The following ST8SIA4 variants were observed in gnomAD, a reference collection of about 807,000 sequenced individuals.
ST8SIA4 encodes the protein CMP-N-acetylneuraminate-poly-alpha-2,8-sialyltransferase.
Under a neutral mutation model 33.9 loss-of-function variants are expected in ST8SIA4, and 15 were observed. The observed-to-expected ratio is 0.44, with a 90% confidence interval of 0.30 to 0.68. ST8SIA4 has a LOEUF of 0.68. Ranked by LOEUF, ST8SIA4 falls within the 30% of genes least tolerant of loss-of-function variation. The pLI is 0.10. For synonymous variants in ST8SIA4, 171 were observed against 151.2 expected (o/e 1.13, Z -0.96); for missense variants, 321 against 428.0 (o/e 0.75, Z 2.21).
At chr5:100,872,829 C>A (rs1032897051) in intron 3 of ST8SIA4, among the ~76,000 whole-genome samples, 8 of 149,818 alleles carry the variant, frequency 5.3e-5, no homozygotes, top group Non-Finnish European at 1.0e-4. Flanking sequence ...ACCTATTGAC[C>A]AACCTCAGTG....
chr5:100,872,295 C>A (rs1328664693), intron 3 of ST8SIA4, among the ~76,000 whole-genome samples: 1 of 151,902 alleles, frequency 6.6e-6, no homozygotes, highest in Non-Finnish European at 1.5e-5. Context: ...AAGGTAATTA[C>A]CATATTCATC....
At chr5:100,884,800 C>A (rs1236044064) in intron 3 of ST8SIA4, among the ~76,000 whole-genome samples, 4 of 152,186 alleles carry the variant, frequency 2.6e-5, no homozygotes, top group Admixed American at 6.5e-5. Flanking sequence ...AGGCCTCTCT[C>A]ATTACCCACA....
intron 4 of ST8SIA4, among the ~76,000 whole-genome samples, chr5:100,840,117 A>G (rs1452239803): frequency 6.6e-6 from 1 of 151,806 alleles, no homozygotes; most frequent in Non-Finnish European, 1.5e-5. Context: ...TATCAGTGAG[A>G]CACAGCAACA....
chr5:100,855,147 ACCCTCTAAT>A (rs1751787258), intron 4 of ST8SIA4, among the ~76,000 whole-genome samples: 1 of 151,980 alleles, frequency 6.6e-6, no homozygotes, highest in African/African-American at 2.4e-5. Flanking sequence ...TTGACCTGGT[ACCCTCTAAT>A]AATGCAACAG....
At chr5:100,878,071 G>A (rs747766371) in intron 3 of ST8SIA4, among the ~76,000 whole-genome samples, 3 of 152,056 alleles carry the variant, frequency 2.0e-5, no homozygotes, top group Non-Finnish European at 2.9e-5. Flanking sequence ...CTCATTTTTC[G>A]GCTTGATGGT....
chr5:100,819,104 A>C (rs1040743045), intron 4 of ST8SIA4, among the ~76,000 whole-genome samples: 1 of 152,198 alleles, frequency 6.6e-6, no homozygotes, highest in Non-Finnish European at 1.5e-5. Flanking sequence ...TGATCCTCAT[A>C]AAATATTATA....
chr5:100,851,768 C>T (rs1751703715), intron 4 of ST8SIA4, among the ~76,000 whole-genome samples: 1 of 151,520 alleles, frequency 6.6e-6, no homozygotes, highest in Non-Finnish European at 1.5e-5. Context: ...TTGTTTTTTT[C>T]CCATATTAAA....
intron 4 of ST8SIA4, among the ~76,000 whole-genome samples, chr5:100,842,696 G>A (rs1423381): frequency 0.9 from 137,322 of 151,742 alleles, 62,818 homozygotes; most frequent in Middle Eastern, 0.98. Context: ...ACTGAATTCT[G>A]TTGAGAGGAA....
Position 100,834,610 on chromosome 5 carries a change from C to T in ST8SIA4, c.797+21493G>A, listed in dbSNP as rs144703125. 3.7e-3 allele frequency among the ~76,000 whole-genome samples: 556 copies of T among 152,160 alleles called. 2 individuals are homozygous for T. The highest frequency in any genetic ancestry group is 0.013 in the African/African-American group (531 of 41,502). ...CCTGGGAAATACCATGTTGAGATGT[C>T]AGCCTCAACATTGGATGTGGGGCCT... is the stretch of plus-strand genomic sequence containing the variant. On this transcript the variant is annotated intron_variant, in intron 4 of 4. Coordinates refer to ENST00000231461, the MANE Select transcript of ST8SIA4 (RefSeq NM_005668.6).
At chr5:100,854,937 G>A (rs1308330670) in intron 4 of ST8SIA4, among the ~76,000 whole-genome samples, 1 of 152,000 alleles carries the variant, frequency 6.6e-6, no homozygotes, top group Non-Finnish European at 1.5e-5. Flanking sequence ...TTGTGCCTCT[G>A]GCATTTTTCT....
At position 100,811,691 on chromosome 5, in the gene ST8SIA4, T is replaced by A; in HGVS notation, c.*156A>T. 1 of 738,424 alleles carries A rather than the reference T, an allele frequency of 1.4e-6. No homozygotes were observed. Among genetic ancestry groups the A allele is most frequent in the South Asian group, 2.0e-5 (1 of 50,646 alleles). The allele number at this position is 738,424 out of a possible 1,614,324, so 45.7% of individuals were successfully genotyped here. ...TAATTTTTAGAGCACTTTGCAGGTA[T>A]TTCATCAGCTGGTAGTCGATTTCTC... On this transcript the variant is annotated 3_prime_UTR_variant, in exon 5 of 5. Transcript: ENST00000231461.
intron 3 of ST8SIA4, among the ~76,000 whole-genome samples, chr5:100,863,672 T>G (rs918014385): frequency 5.9e-5 from 9 of 152,180 alleles, no homozygotes. Context: ...GGAACTCAAG[T>G]CTTGAAATAA....
intron 4 of ST8SIA4, among the ~76,000 whole-genome samples, chr5:100,830,076 G>C (rs1328681373): frequency 6.6e-6 from 1 of 151,774 alleles, no homozygotes; most frequent in East Asian, 1.9e-4. Context: ...TGCAATCTTT[G>C]GTCATAAATG....
chr5:100,833,350 T>G (rs1000068213), intron 4 of ST8SIA4, among the ~76,000 whole-genome samples: 12 of 152,118 alleles, frequency 7.9e-5, no homozygotes, highest in African/African-American at 2.9e-4. Flanking sequence ...GTTTGTAAGT[T>G]GGTTTCTCAA....
rs750954684 is a variant in ST8SIA4, at chr5:100,826,607, C to T, written c.798-14478G>A. Reference sequence around the variant, plus strand: ...GGGATATGCAAGTTCTAAATTTATACGTGAACAAACTGGAAACACTTATAT... The same window carrying T: ...GGGATATGCAAGTTCTAAATTTATATGTGAACAAACTGGAAACACTTATAT... On this transcript the variant is annotated intron_variant, in intron 4 of 4. Transcript: ENST00000231461. Among the ~76,000 whole-genome samples, 99 of 152,102 alleles carry T rather than the reference C, an allele frequency of 6.5e-4. 2 individuals are homozygous for T. Among genetic ancestry groups the T allele is most frequent in the South Asian group, 6.2e-4 (3 of 4,820 alleles).
chr5:100,881,873 G>A (rs1247572691), intron 3 of ST8SIA4, among the ~76,000 whole-genome samples: 2 of 152,162 alleles, frequency 1.3e-5, no homozygotes, highest in Non-Finnish European at 2.9e-5. Flanking sequence ...TGTAAGAAGG[G>A]CCTTTCGCCT....
chr5:100,891,237 C>T (rs1371961585), intron 2 of ST8SIA4, among the ~76,000 whole-genome samples: 1 of 151,628 alleles, frequency 6.6e-6, no homozygotes, highest in Admixed American at 6.6e-5. Context: ...GGCTATGATA[C>T]ATATGTTAGG....
At chr5:100,829,840 G>A (rs1057477498) in intron 4 of ST8SIA4, among the ~76,000 whole-genome samples, 16 of 151,428 alleles carry the variant, frequency 1.1e-4, no homozygotes, top group South Asian at 2.1e-4. Context: ...CCCGGGAGGC[G>A]GAGCTTGCAG....
At chr5:100,895,132 AAAG>A (rs1181719051) in intron 2 of ST8SIA4, among the ~76,000 whole-genome samples, 2 of 152,074 alleles carry the variant, frequency 1.3e-5, no homozygotes, top group African/African-American at 4.8e-5. Flanking sequence ...CTAGTCTTAC[AAAG>A]AAGAAGTCAG....
Sources: gnomAD v4.1 joint callset for allele counts (sites outside exome capture counted in the v4.1 genomes callset) on GRCh38, gnomAD v4.1.1 for gene constraint, MANE v1.5 for transcripts, NCBI Gene and HGNC (gene_info 2026-07-23, HGNC 2026-07-21) for gene names.